TMEM232: variants seen among roughly 807,000 people sequenced by gnomAD.
TMEM232 encodes transmembrane protein 232.
In TMEM232, 80 loss-of-function variants were observed where a neutral mutation model predicts 78.8. The observed-to-expected ratio is 1.01, with a 90% CI of 0.85 to 1.22. The LOEUF (loss-of-function observed/expected upper bound fraction) is 1.22. Ranked by LOEUF, TMEM232 falls within the 50% of genes most tolerant of loss-of-function variation. The pLI is 0.00. For synonymous variants in TMEM232, 297 were observed against 254.3 expected (o/e 1.17, Z -1.60); for missense variants, 881 against 742.2 (o/e 1.19, Z -2.17).
Position 110,696,560 on chromosome 5 carries a change from T to A in TMEM232, c.-12-29196A>T, listed in dbSNP as rs551365281. On this transcript the variant is annotated intron_variant, in intron 1 of 13. Coordinates refer to ENST00000455884, the MANE Select transcript of TMEM232 (RefSeq NM_001039763.4). ...ATTGTATATCTAGAAAACCCCATAGTCTCAGCCCAAAATCTCCTTAAGCTG... is the reference window on the plus strand; with the variant it reads ...ATTGTATATCTAGAAAACCCCATAGACTCAGCCCAAAATCTCCTTAAGCTG... Among the ~76,000 whole-genome samples, 4 of 152,286 alleles carry A rather than the reference T, an allele frequency of 2.6e-5. No homozygotes were observed. In the South Asian group the frequency reaches 8.3e-4, roughly 32 times the overall value.
chr5:110,576,570 T>C (rs1425844150), intron 10 of TMEM232, among the ~76,000 whole-genome samples: 1 of 152,036 alleles, frequency 6.6e-6, no homozygotes, highest in Non-Finnish European at 1.5e-5. Context: ...AAAGCCTGAA[T>C]AGCCACGGCA....
chr5:110,650,918 A>G (rs771085016), intron 2 of TMEM232, among the ~76,000 whole-genome samples: 1 of 152,050 alleles, frequency 6.6e-6, no homozygotes, highest in Non-Finnish European at 1.5e-5. Context: ...GTATAGGGAA[A>G]CTCTCTGTAC....
At chr5:110,417,164 C>A (rs1369873182), downstream of TMEM232, among the ~76,000 whole-genome samples, 1 of 152,064 alleles carries the variant, frequency 6.6e-6, no homozygotes, top group African/African-American at 2.4e-5. Flanking sequence ...TAAACGTAAG[C>A]ATAAATGATA....
intron 12 of TMEM232, among the ~76,000 whole-genome samples, chr5:110,425,514 G>C (rs1757133662): frequency 6.6e-6 from 1 of 152,012 alleles, no homozygotes; most frequent in Admixed American, 6.6e-5. Context: ...AGCCTAAAAA[G>C]AGGCAGCCAG....
chr5:110,518,729 C>A (rs953444988), intron 12 of TMEM232, among the ~76,000 whole-genome samples: 2 of 152,100 alleles, frequency 1.3e-5, no homozygotes, highest in Non-Finnish European at 2.9e-5. Flanking sequence ...ATTACAGCTG[C>A]AATAAAGTTT....
At chr5:110,658,535 G>C (rs13356237) in intron 2 of TMEM232, among the ~76,000 whole-genome samples, 257 of 152,150 alleles carry the variant, frequency 1.7e-3, no homozygotes, top group African/African-American at 5.9e-3. Context: ...GAAAATTGAA[G>C]GCTGAAAATA....
At chr5:110,447,254 A>G (rs1032264179) in intron 12 of TMEM232, among the ~76,000 whole-genome samples, 1 of 152,102 alleles carries the variant, frequency 6.6e-6, no homozygotes, top group Admixed American at 6.6e-5. Flanking sequence ...CTCTTAGAAC[A>G]AATGAATTTC....
chr5:110,524,415 GA>G (rs141511695), intron 12 of TMEM232, among the ~76,000 whole-genome samples: 1,668 of 62,468 alleles, frequency 0.027, 22 homozygotes, highest in East Asian at 0.14. Flanking sequence ...AAGAAAGAAA[GA>G]AAAGAAAAGA....
At chr5:110,446,357 A>T (rs778665920) in intron 12 of TMEM232, among the ~76,000 whole-genome samples, 2 of 152,204 alleles carry the variant, frequency 1.3e-5, no homozygotes, top group African/African-American at 4.8e-5. Context: ...TTTCAAAATT[A>T]TTCTGACAGC....
intron 1 of TMEM232, among the ~76,000 whole-genome samples, chr5:110,714,055 T>G (rs1796771430): frequency 6.6e-6 from 1 of 152,142 alleles, no homozygotes; most frequent in Non-Finnish European, 1.5e-5. Context: ...TTGCAATACT[T>G]TCTAAGGACA....
chr5:110,405,675 G>A (rs1337807482), intron 2 of TMEM232, among the ~76,000 whole-genome samples: 2 of 146,772 alleles, frequency 1.4e-5, no homozygotes, highest in African/African-American at 5.0e-5. Flanking sequence ...GTAAAAGAAA[G>A]ATTCAATGAA....
At chr5:110,548,679 G>C (rs1379471814) in intron 11 of TMEM232, among the ~76,000 whole-genome samples, 1 of 151,920 alleles carries the variant, frequency 6.6e-6, no homozygotes, top group Non-Finnish European at 1.5e-5. Context: ...ATATTGCAGT[G>C]ACAGTAAATG....
At chr5:110,710,309 T>C (rs1461999173) in intron 1 of TMEM232, among the ~76,000 whole-genome samples, 1 of 152,086 alleles carries the variant, frequency 6.6e-6, no homozygotes, top group Non-Finnish European at 1.5e-5. Context: ...ACTGCTGAAT[T>C]CTATCAAACA....
chr5:110,523,888 G>C (rs375233945), intron 12 of TMEM232, among the ~76,000 whole-genome samples: 14 of 146,764 alleles, frequency 9.5e-5, no homozygotes, highest in Non-Finnish European at 1.9e-4. Context: ...TTGAGCCCAA[G>C]AGGTCAAGGC....
intron 10 of TMEM232, among the ~76,000 whole-genome samples, chr5:110,597,447 T>C (rs1780309967): frequency 6.6e-6 from 1 of 152,104 alleles, no homozygotes; most frequent in Admixed American, 6.5e-5. Context: ...CCCAAGGTAA[T>C]TTATAGATTC....
intron 10 of TMEM232, among the ~76,000 whole-genome samples, chr5:110,585,528 C>T (rs538299702): frequency 4.6e-5 from 7 of 152,158 alleles, no homozygotes; most frequent in Middle Eastern, 3.4e-3. Context: ...ATTCTTAGAC[C>T]GCAAAATATG....
intron 2 of TMEM232, among the ~76,000 whole-genome samples, chr5:110,651,255 G>C (rs1233179068): frequency 1.3e-5 from 2 of 152,084 alleles, no homozygotes; most frequent in African/African-American, 2.4e-5. Flanking sequence ...AGTGATCCAT[G>C]CTGTGAAAAT....
chr5:110,477,223 C>G (rs78074735), intron 12 of TMEM232, among the ~76,000 whole-genome samples: 4,660 of 152,004 alleles, frequency 0.031, 205 homozygotes, highest in African/African-American at 0.092. Context: ...CCATTTCCCA[C>G]TGGGAAAAAT....
intron 8 of TMEM232, among the ~76,000 whole-genome samples, chr5:110,608,020 T>C (rs1781726019): frequency 2.6e-5 from 4 of 151,884 alleles, no homozygotes. Flanking sequence ...GGTTATGCAA[T>C]TGTAGTCAGG....
Sources: gnomAD v4.1 joint callset for allele counts (sites outside exome capture counted in the v4.1 genomes callset) on GRCh38, gnomAD v4.1.1 for gene constraint, MANE v1.5 for transcripts, NCBI Gene and HGNC (gene_info 2026-07-23, HGNC 2026-07-21) for gene names.